Variants in ADAMTSL1 observed in about 807,000 individuals in gnomAD.
ADAMTSL1 encodes the protein ADAMTS-like protein 1.
A neutral mutation model predicts 201.8 loss-of-function variants in ADAMTSL1; 126 were observed. That is an observed-to-expected ratio of 0.62 (90% CI 0.54 to 0.72). The LOEUF (loss-of-function observed/expected upper bound fraction) is 0.72, where lower values mean the gene tolerates loss of function less well. Among genes scored for constraint, ADAMTSL1 ranks in the 30% least tolerant of loss-of-function variants. ADAMTSL1 has a pLI of 0.00. For synonymous variants in ADAMTSL1, 1,121 were observed against 903.4 expected (o/e 1.24, Z -4.32); for missense variants, 2,679 against 2,277.8 (o/e 1.18, Z -3.59).
rs1219057721 is a variant in ADAMTSL1, at chr9:18,908,959, G to C, written c.*411G>C. ...ACAAATTCCTGTGTCTTTCCTAGAA[G>C]CGCACTATCACAAACACAGGAGTGT... On this transcript the variant is annotated 3_prime_UTR_variant, in exon 29 of 29. Transcript: ENST00000380548. 1 of 170,376 alleles carries C rather than the reference G, an allele frequency of 5.9e-6. No homozygotes were observed. Among genetic ancestry groups the C allele is most frequent in the East Asian group, 1.8e-4 (1 of 5,628 alleles). 10.6% of individuals were successfully genotyped at this position (170,376 alleles called of 1,614,324 possible).
In ADAMTSL1 at chr9:18,491,765, G is replaced by T. The variant is rs933710449; in HGVS notation, c.64-13064G>T. Among the ~76,000 whole-genome samples, 3 of 152,152 alleles carry T rather than the reference G, an allele frequency of 2.0e-5. No homozygotes were observed. In the South Asian group the frequency reaches 6.2e-4, roughly 32 times the overall value. Reference sequence around the variant, plus strand: ...ACGTAAATATTTCTGTTGACTGGAAGATAGGAAGAGATGACTGCTATATTT... The same window carrying T: ...ACGTAAATATTTCTGTTGACTGGAATATAGGAAGAGATGACTGCTATATTT... On this transcript the variant is annotated intron_variant, in intron 1 of 28. Transcript: ENST00000380548.
At chr9:18,370,298 C>G (rs544797390) in intron 2 of ADAMTSL1, among the ~76,000 whole-genome samples, 8 of 151,136 alleles carry the variant, frequency 5.3e-5, no homozygotes, top group African/African-American at 1.9e-4. Flanking sequence ...AAAAAAGAGG[C>G]ACTGGGGACT....
chr9:18,108,783 T>C (rs994578319), intron 1 of ADAMTSL1, among the ~76,000 whole-genome samples: 1 of 152,138 alleles, frequency 6.6e-6, no homozygotes, highest in African/African-American at 2.4e-5. Flanking sequence ...TCTTTTTTTT[T>C]CTCCTTTTTC....
At chr9:18,869,810 AACTTT>A (rs1827774885) in intron 23 of ADAMTSL1, among the ~76,000 whole-genome samples, 1 of 152,072 alleles carries the variant, frequency 6.6e-6, no homozygotes, top group African/African-American at 2.4e-5. Flanking sequence ...GTGGTTTGTA[AACTTT>A]TTAGAACTTT....
At chr9:18,248,438 G>C (rs1386642284) in intron 2 of ADAMTSL1, among the ~76,000 whole-genome samples, 3 of 152,048 alleles carry the variant, frequency 2.0e-5, no homozygotes, top group Admixed American at 2.0e-4. Context: ...AGCCCATCCA[G>C]GGGCTAATTT....
chr9:18,154,034 G>A (rs894732348), intron 1 of ADAMTSL1, among the ~76,000 whole-genome samples: 11 of 152,002 alleles, frequency 7.2e-5, no homozygotes, highest in Non-Finnish European at 1.6e-4. Flanking sequence ...CTAAAAGACT[G>A]TTATTCTTCC....
At chr9:18,378,113 C>T (rs1285088236) in intron 2 of ADAMTSL1, among the ~76,000 whole-genome samples, 5 of 152,064 alleles carry the variant, frequency 3.3e-5, no homozygotes, top group African/African-American at 9.7e-5. Flanking sequence ...AAAAGGGTGG[C>T]GAGAGGAGGA....
intron 1 of ADAMTSL1, among the ~76,000 whole-genome samples, chr9:18,497,109 A>T (rs999783156): frequency 6.6e-6 from 1 of 152,234 alleles, no homozygotes; most frequent in African/African-American, 2.4e-5. Context: ...AGGAAAAAGA[A>T]GAAAACAAAA....
intron 25 of ADAMTSL1, among the ~76,000 whole-genome samples, chr9:18,891,715 C>T (rs1293455996): frequency 6.6e-6 from 1 of 152,224 alleles, no homozygotes; most frequent in African/African-American, 2.4e-5. Context: ...AAATGTGCAG[C>T]AGGAAGTATA....
At position 18,466,642 on chromosome 9, in the gene ADAMTSL1, A is replaced by T. The variant is rs185657072; in HGVS notation, c.208-38187A>T. Among the ~76,000 whole-genome samples, 93 of 152,272 alleles carry T rather than the reference A, an allele frequency of 6.1e-4. 1 individual carries two copies. Among genetic ancestry groups the T allele is most frequent in the African/African-American group, 2.2e-3 (90 of 41,586 alleles). ...TTTATTTGTCAATTATTTAAAATAA[A>T]TAATTGTTTTAAAATGAACTATACT... is the stretch of plus-strand genomic sequence containing the variant. On this transcript the variant is annotated intron_variant, in intron 2 of 29. Transcript: ENST00000680146.
chr9:18,372,754 G>A (rs570135551), intron 2 of ADAMTSL1, among the ~76,000 whole-genome samples: 2 of 152,242 alleles, frequency 1.3e-5, no homozygotes, highest in Admixed American at 1.3e-4. Context: ...TGAAGGCTTT[G>A]GTTACATGTG....
intron 1 of ADAMTSL1, among the ~76,000 whole-genome samples, chr9:18,009,329 CT>C (rs1212792873): frequency 1.3e-5 from 2 of 152,018 alleles, no homozygotes; most frequent in Non-Finnish European, 2.9e-5. Flanking sequence ...CATCCATTCT[CT>C]GGTCTTTATG....
intron 13 of ADAMTSL1, among the ~76,000 whole-genome samples, chr9:18,692,608 T>C (rs1252558336): frequency 6.6e-6 from 1 of 152,182 alleles, no homozygotes; most frequent in African/African-American, 2.4e-5. Flanking sequence ...GAACTTTTCA[T>C]TGGAAAGCTT....
chr9:18,171,717 C>T (rs1251011876), intron 2 of ADAMTSL1, among the ~76,000 whole-genome samples: 2 of 152,064 alleles, frequency 1.3e-5, no homozygotes, highest in Non-Finnish European at 2.9e-5. Context: ...GCTTTTGTTG[C>T]CATTGCTTTT....
chr9:18,776,206 C>G (rs571947292), intron 18 of ADAMTSL1, among the ~76,000 whole-genome samples: 1 of 152,134 alleles, frequency 6.6e-6, no homozygotes, highest in African/African-American at 2.4e-5. Context: ...ATGTTATCCA[C>G]TCTGGGGTTT....
At chr9:18,305,974 GC>G (rs1471282821) in intron 2 of ADAMTSL1, among the ~76,000 whole-genome samples, 1 of 152,132 alleles carries the variant, frequency 6.6e-6, no homozygotes, top group Non-Finnish European at 1.5e-5. Context: ...CTGGCATCTG[GC>G]AGGTGCCCCT....
chr9:18,297,433 T>G (rs2132711079), intron 2 of ADAMTSL1, among the ~76,000 whole-genome samples: 1 of 152,172 alleles, frequency 6.6e-6, no homozygotes, highest in South Asian at 2.1e-4. Context: ...CTGGAGAAAG[T>G]TCTTCAGTAT....
chr9:18,747,798 C>A (rs1448153079), intron 15 of ADAMTSL1, among the ~76,000 whole-genome samples: 1 of 152,156 alleles, frequency 6.6e-6, no homozygotes, highest in East Asian at 1.9e-4. Context: ...CAAGGGCTAG[C>A]CAGATCCAGG....
chr9:18,298,183 C>A (rs1272470574), intron 2 of ADAMTSL1, among the ~76,000 whole-genome samples: 1 of 152,088 alleles, frequency 6.6e-6, no homozygotes, highest in Admixed American at 6.6e-5. Context: ...AGGCAAACTC[C>A]TGAGAGACTC....
Sources: gnomAD v4.1 joint callset for allele counts (sites outside exome capture counted in the v4.1 genomes callset) on GRCh38, gnomAD v4.1.1 for gene constraint, MANE v1.5 for transcripts, NCBI Gene and HGNC (gene_info 2026-07-23, HGNC 2026-07-21) for gene names.